Variants in C1orf21 observed in about 807,000 individuals in gnomAD.
C1orf21 encodes chromosome 1 open reading frame 21.
Under a neutral mutation model 18.7 loss-of-function variants are expected in C1orf21, and 3 were observed. The ratio of observed to expected loss-of-function variants is 0.16; its 90% CI spans 0.07 to 0.42. The LOEUF is 0.42. C1orf21 is among the 10% of genes least tolerant of loss of function. The pLI is 0.99. For missense variants in C1orf21, 104 were observed against 143.6 expected, an observed-to-expected ratio of 0.72 and a Z score of 1.41; for synonymous variants, 41 against 46.4, an observed-to-expected ratio of 0.88 and a Z score of 0.47.
At position 184,478,663 on chromosome 1, in the gene C1orf21, A is replaced by G. The variant is rs543027589; in HGVS notation, c.94+1060A>G. Among the ~76,000 whole-genome samples the G allele has an allele frequency of 5.3e-5, 8 of 152,338 alleles. 1 individual carries two copies. In the South Asian group the frequency reaches 1.7e-3, roughly 32 times the overall value. On this transcript the variant is annotated intron_variant, in intron 2 of 5. Coordinates refer to ENST00000235307, the MANE Select transcript of C1orf21 (RefSeq NM_030806.4). Reference sequence around the variant, plus strand: ...GACATTACCTGGCCACTTACAGGCTATTATGCTTGCCTGATCTTGAGATTG... The same window carrying G: ...GACATTACCTGGCCACTTACAGGCTGTTATGCTTGCCTGATCTTGAGATTG...
At chr1:184,422,775 C>T (rs1448500063) in intron 1 of C1orf21, among the ~76,000 whole-genome samples, 1 of 152,160 alleles carries the variant, frequency 6.6e-6, no homozygotes, top group Non-Finnish European at 1.5e-5. Flanking sequence ...TTGCACTTTG[C>T]CATAACTGTT....
At chr1:184,584,283 T>C (rs1442090268) in intron 3 of C1orf21, among the ~76,000 whole-genome samples, 1 of 152,156 alleles carries the variant, frequency 6.6e-6, no homozygotes, top group Non-Finnish European at 1.5e-5. Flanking sequence ...AGTATACACA[T>C]GCTCCTAAGG....
intron 1 of C1orf21, among the ~76,000 whole-genome samples, chr1:184,430,869 C>T (rs1022613824): frequency 1.3e-5 from 2 of 152,122 alleles, no homozygotes; most frequent in African/African-American, 4.8e-5. Context: ...CTATAAATTA[C>T]TTTGGGTAGA....
chr1:184,418,963 T>G (rs1183270798), intron 1 of C1orf21, among the ~76,000 whole-genome samples: 4 of 152,228 alleles, frequency 2.6e-5, no homozygotes, highest in African/African-American at 9.6e-5. Context: ...TGTGTGTATA[T>G]GTGTCTGTGT....
chr1:184,475,734 G>GGTGTGT (rs10553261), intron 1 of C1orf21, among the ~76,000 whole-genome samples: 59 of 138,142 alleles, frequency 4.3e-4, no homozygotes, highest in East Asian at 1.7e-3. Flanking sequence ...AATGGAATAG[G>GGTGTGT]GTGTGTGTGT....
chr1:184,591,276 A>C (rs1348704856), intron 4 of C1orf21, among the ~76,000 whole-genome samples: 2 of 152,202 alleles, frequency 1.3e-5, no homozygotes, highest in African/African-American at 4.8e-5. Flanking sequence ...TAATTGAGAA[A>C]ATGTGGTTTG....
At chr1:184,576,184 G>A (rs2101992235) in intron 3 of C1orf21, among the ~76,000 whole-genome samples, 1 of 151,706 alleles carries the variant, frequency 6.6e-6, no homozygotes, top group South Asian at 2.1e-4. Context: ...GAGTGCAGTA[G>A]TACAATCTCG....
At position 184,597,384 on chromosome 1, in the gene C1orf21, C is replaced by T. The variant is rs77897453; in HGVS notation, c.267-1017C>T. 9.9e-5 allele frequency among the ~76,000 whole-genome samples: 15 copies of T among 152,214 alleles called. No individual in the cohort carries two copies. In the East Asian group the frequency reaches 2.9e-3, roughly 29 times the overall value. ...AGGCCCCACTGTCTGTCACAGGAGG[C>T]CTGGAGGGTTTCAGGTCACTTGTGC... On this transcript the variant is annotated intron_variant, in intron 4 of 5. Coordinates refer to ENST00000235307, the MANE Select transcript of C1orf21 (RefSeq NM_030806.4).
intron 1 of C1orf21, among the ~76,000 whole-genome samples, chr1:184,440,426 A>G (rs1178648493): frequency 6.6e-6 from 1 of 151,836 alleles, no homozygotes; most frequent in African/African-American, 2.4e-5. Flanking sequence ...TGTTGTTTGT[A>G]TTTTTAGTAG....
chr1:184,573,968 G>A (rs1273685507), intron 3 of C1orf21, among the ~76,000 whole-genome samples: 1 of 152,196 alleles, frequency 6.6e-6, no homozygotes, highest in African/African-American at 2.4e-5. Context: ...GCCGAGGTAG[G>A]CAGATCACCT....
chr1:184,410,663 ATTT>A (rs71297843), intron 1 of C1orf21, among the ~76,000 whole-genome samples: 31 of 7,670 alleles, frequency 4.0e-3, no homozygotes, highest in South Asian at 0.023. Flanking sequence ...ATATATATAT[ATTT>A]TTTTTTTTTT....
chr1:184,577,953 G>GTTTT (rs1257021237), intron 3 of C1orf21, among the ~76,000 whole-genome samples: 3 of 108,944 alleles, frequency 2.8e-5, no homozygotes, highest in Non-Finnish European at 3.8e-5. Flanking sequence ...TTTTGTTTTT[G>GTTTT]TTTTTTTTTT....
chr1:184,495,464 AG>A (rs1657877748), intron 2 of C1orf21, among the ~76,000 whole-genome samples: 1 of 152,214 alleles, frequency 6.6e-6, no homozygotes, highest in South Asian at 2.1e-4. Flanking sequence ...CCAAGCCCCC[AG>A]ATAATTTCCC....
rs149699877 is a variant in C1orf21 at position 184,402,987 on chromosome 1, G to A, written c.-125+15619G>A. 1.8e-4 allele frequency among the ~76,000 whole-genome samples: 27 copies of A among 152,300 alleles called. No individual in the cohort carries two copies. The East Asian group carries it at 5.0e-3, about 28-fold the overall frequency. ...GTTCCCCTGCTTCCCTTATCTTTCA[G>A]GGTAGCAGAATAAAGGAGTAGGGCA... On this transcript the variant is annotated intron_variant, in intron 1 of 5. Coordinates refer to ENST00000235307, the MANE Select transcript of C1orf21 (RefSeq NM_030806.4).
intron 3 of C1orf21, among the ~76,000 whole-genome samples, chr1:184,550,665 G>C (rs1402823592): frequency 1.3e-5 from 2 of 152,162 alleles, no homozygotes; most frequent in East Asian, 1.9e-4. Context: ...CTCCTGAGTA[G>C]CTGGGACTTC....
At chr1:184,598,055 T>TGAAATATGC (rs967401923) in intron 4 of C1orf21, among the ~76,000 whole-genome samples, 1 of 152,174 alleles carries the variant, frequency 6.6e-6, no homozygotes, top group African/African-American at 2.4e-5. Flanking sequence ...AATACACTGT[T>TGAAATATGC]GAAATATGCC....
chr1:184,577,586 G>C (rs1659211552), intron 3 of C1orf21, among the ~76,000 whole-genome samples: 1 of 152,088 alleles, frequency 6.6e-6, no homozygotes, highest in Non-Finnish European at 1.5e-5. Context: ...TTTAATTTTT[G>C]GCTGGCTTCT....
Position 184,579,379 on chromosome 1 carries a change from G to GT in C1orf21, c.190-11332dup, listed in dbSNP as rs201010891. Among the ~76,000 whole-genome samples the GT allele has an allele frequency of 5.7e-3, 405 of 71,452 alleles. 9 individuals carry two copies. The highest frequency in any genetic ancestry group is 7.5e-3 in the Non-Finnish European group (294 of 39,098). The allele number at this position is 71,452 out of a possible 152,430, so 46.9% of individuals were successfully genotyped here. A position where few individuals can be genotyped will look rare whatever the true frequency, so the allele number is the denominator to read the frequency against. On this transcript the variant is annotated intron_variant, in intron 3 of 5. Coordinates refer to ENST00000235307, the MANE Select transcript of C1orf21 (RefSeq NM_030806.4). Reference sequence around the variant, plus strand: ...AAGGTATTTTTTTAATATAAGCTGGGTTTTTTTTTTTTTTTTTTTTTTTTT... The same window carrying GT: ...AAGGTATTTTTTTAATATAAGCTGGGTTTTTTTTTTTTTTTTTTTTTTTTTT...
intron 5 of C1orf21, chr1:184,599,699 G>A (rs1177373834): frequency 6.6e-6 from 1 of 152,052 alleles, no homozygotes; most frequent in Non-Finnish European, 1.5e-5. Flanking sequence ...TTCACATATT[G>A]GTTCAAAAGC....
Sources: allele counts gnomAD v4.1 joint callset (sites outside exome capture counted in the v4.1 genomes callset), GRCh38; gene constraint gnomAD v4.1.1; transcripts MANE v1.5; gene names NCBI Gene and HGNC (gene_info 2026-07-23, HGNC 2026-07-21).